GRM1: variants seen among roughly 807,000 people sequenced by gnomAD.
GRM1 encodes the protein metabotropic glutamate receptor 1.
In GRM1, 33 loss-of-function variants were observed where a neutral mutation model predicts 90.9. That is an observed-to-expected ratio of 0.36 (90% CI 0.28 to 0.49). GRM1 has a LOEUF of 0.49. GRM1 is among the 20% of genes least tolerant of loss of function. GRM1 has a pLI of 0.99. For missense variants in GRM1, 1,190 were observed against 1,534.3 expected, an observed-to-expected ratio of 0.78 and a Z score of 3.75; for synonymous variants, 700 against 613.2, an observed-to-expected ratio of 1.14 and a Z score of -2.09.
intron 2 of GRM1, among the ~76,000 whole-genome samples, chr6:146,208,364 A>T (rs1779566030): frequency 6.6e-6 from 1 of 152,180 alleles, no homozygotes. Context: ...TTTTCTGTGT[A>T]TAATGTAGTT....
At chr6:146,204,531 G>T (rs1181342774) in intron 2 of GRM1, among the ~76,000 whole-genome samples, 2 of 152,174 alleles carry the variant, frequency 1.3e-5, no homozygotes, top group East Asian at 1.9e-4. Context: ...GGTGCAGAAG[G>T]TGTAGCCCAG....
chr6:146,246,966 A>G (rs1052164676), intron 2 of GRM1, among the ~76,000 whole-genome samples: 1 of 152,202 alleles, frequency 6.6e-6, no homozygotes, highest in Non-Finnish European at 1.5e-5. Flanking sequence ...ACTGAGGTGA[A>G]AATGGTGAAT....
chr6:146,159,197 C>A, intron 1 of GRM1, 151 bp from the exon 2 acceptor site: 2 of 862,832 alleles, frequency 2.3e-6, no homozygotes, highest in Non-Finnish European at 3.9e-6. Context: ...CTCTTTAATC[C>A]ATCCAGATCT....
Position 146,035,888 on chromosome 6 carries a change from A to G in GRM1, c.700+5671A>G, listed in dbSNP as rs1562418921. 1.3e-5 allele frequency among the ~76,000 whole-genome samples: 2 copies of G among 152,112 alleles called. 1 individual carries two copies. Among genetic ancestry groups the G allele is most frequent in the East Asian group, 3.9e-4 (2 of 5,172 alleles). On this transcript the variant is annotated intron_variant, in intron 1 of 7. Transcript: ENST00000282753. ...CATAGAATTAGAGTGAAATCCAAAGACGAAAAAAATGACACTTTCATTATT... is the reference window on the plus strand; with the variant it reads ...CATAGAATTAGAGTGAAATCCAAAGGCGAAAAAAATGACACTTTCATTATT...
At chr6:146,283,073 G>A (rs1034362542) in intron 2 of GRM1, among the ~76,000 whole-genome samples, 1 of 152,112 alleles carries the variant, frequency 6.6e-6, no homozygotes, top group Non-Finnish European at 1.5e-5. Flanking sequence ...CCCTGAAATA[G>A]ATGCTGCTCT....
At chr6:146,174,531 T>C (rs1367357925) in intron 2 of GRM1, among the ~76,000 whole-genome samples, 3 of 152,208 alleles carry the variant, frequency 2.0e-5, no homozygotes, top group Non-Finnish European at 4.4e-5. Context: ...TTTGCCAAAG[T>C]AGAATATTGA....
chr6:146,293,206 G>A (rs1326674133), intron 2 of GRM1, among the ~76,000 whole-genome samples: 1 of 151,870 alleles, frequency 6.6e-6, no homozygotes, highest in Non-Finnish European at 1.5e-5. Flanking sequence ...AGTGATGATT[G>A]AAAAACATTT....
At position 146,224,511 on chromosome 6, in the gene GRM1, T is replaced by G. The variant is rs144436006; in HGVS notation, c.950+64914T>G. Among the ~76,000 whole-genome samples, 401 of 152,262 alleles carry G rather than the reference T, an allele frequency of 2.6e-3. 3 individuals carry two copies. Among genetic ancestry groups the G allele is most frequent in the African/African-American group, 8.9e-3 (368 of 41,566 alleles). ...TTCACAATGGCTGTTATCTTTAAAC[T>G]TGCATTAAAGAGTAATTAATAATTT... On this transcript the variant is annotated intron_variant, in intron 2 of 7. Coordinates refer to ENST00000282753, the MANE Select transcript of GRM1 (RefSeq NM_001278064.2).
chr6:146,054,033 G>A (rs1240991436), intron 1 of GRM1, among the ~76,000 whole-genome samples: 1 of 151,978 alleles, frequency 6.6e-6, no homozygotes, highest in Non-Finnish European at 1.5e-5. Context: ...TTGACTATGA[G>A]AGATAAAAAA....
In GRM1 at chr6:146,104,613, A is replaced by G. The variant is rs577238870; in HGVS notation, c.701-54735A>G. 2.8e-4 allele frequency among the ~76,000 whole-genome samples: 43 copies of G among 152,318 alleles called. No individual in the cohort carries two copies. In the South Asian group the frequency reaches 8.5e-3, roughly 30 times the overall value. The stretch of plus-strand genomic sequence containing the variant: ...AAAGTGGAAGAAGGAAAACTGGAAT[A>G]TTGCTGGAGAGTAGAGAATTTCCGA... On this transcript the variant is annotated intron_variant, in intron 1 of 7. Coordinates refer to ENST00000282753, the MANE Select transcript of GRM1 (RefSeq NM_001278064.2).
intron 2 of GRM1, among the ~76,000 whole-genome samples, chr6:146,253,384 T>G (rs1368780257): frequency 6.6e-6 from 1 of 152,094 alleles, no homozygotes; most frequent in African/African-American, 2.4e-5. Context: ...TATGTGCGTG[T>G]TTTGGGGGGA....
intron 5 of GRM1, among the ~76,000 whole-genome samples, chr6:146,371,252 G>C (rs1167418426): frequency 6.6e-6 from 1 of 152,000 alleles, no homozygotes; most frequent in East Asian, 1.9e-4. Context: ...AGTGCTATAG[G>C]GACACAGGCT....
intron 1 of GRM1, among the ~76,000 whole-genome samples, chr6:146,038,451 A>C (rs1443493576): frequency 6.6e-6 from 1 of 152,054 alleles, no homozygotes; most frequent in African/African-American, 2.4e-5. Flanking sequence ...ACAGTGCTCC[A>C]TATAGGGCTA....
chr6:146,202,523 A>G (rs943475981), intron 2 of GRM1, among the ~76,000 whole-genome samples: 4 of 152,218 alleles, frequency 2.6e-5, no homozygotes, highest in African/African-American at 9.6e-5. Flanking sequence ...ATTAAATATC[A>G]TTTACAATTC....
chr6:146,180,293 G>T (rs2114542352), intron 2 of GRM1, among the ~76,000 whole-genome samples: 1 of 151,744 alleles, frequency 6.6e-6, no homozygotes, highest in East Asian at 1.9e-4. Flanking sequence ...GCTAGATTTT[G>T]TTGCTGCTAG....
intron 2 of GRM1, among the ~76,000 whole-genome samples, chr6:146,285,980 T>C (rs546414892): frequency 8.5e-5 from 13 of 152,174 alleles, no homozygotes; most frequent in Admixed American, 2.0e-4. Flanking sequence ...GTTATTTTTT[T>C]GCATGGAGTT....
intron 6 of GRM1, among the ~76,000 whole-genome samples, 187 bp downstream of exon 6, chr6:146,387,203 T>G (rs1776540519): frequency 6.6e-6 from 1 of 152,116 alleles, no homozygotes. Flanking sequence ...GAAAAGAAAG[T>G]TCATGTAAAT....
rs574820467 is a variant in GRM1, at chr6:146,119,458, G to T, written c.701-39890G>T. 3.7e-3 allele frequency among the ~76,000 whole-genome samples: 562 copies of T among 152,266 alleles called. 4 individuals carry two copies. The highest frequency in any genetic ancestry group is 0.013 in the African/African-American group (536 of 41,564). ...CTCTTATTTTAATTAGATCCCATTT[G>T]TCAATTTTGGCTTTTGTTGCCATTG... On this transcript the variant is annotated intron_variant, in intron 1 of 7. Coordinates refer to ENST00000282753, the MANE Select transcript of GRM1 (RefSeq NM_001278064.2).
At chr6:146,206,729 G>A (rs930889020) in intron 2 of GRM1, among the ~76,000 whole-genome samples, 1 of 151,798 alleles carries the variant, frequency 6.6e-6, no homozygotes, top group Admixed American at 6.6e-5. Flanking sequence ...CATCACCCAG[G>A]TATTAACCCC....
Sources: allele counts gnomAD v4.1 joint callset (sites outside exome capture counted in the v4.1 genomes callset), GRCh38; gene constraint gnomAD v4.1.1; transcripts MANE v1.5; gene names NCBI Gene and HGNC (gene_info 2026-07-23, HGNC 2026-07-21).